Variants in ZRANB3 observed in about 807,000 individuals in gnomAD.
ZRANB3 encodes DNA annealing helicase and endonuclease ZRANB3.
Under a neutral mutation model 133.8 loss-of-function variants are expected in ZRANB3, and 125 were observed. That is an observed-to-expected ratio of 0.93 (90% CI 0.81 to 1.08). The LOEUF (loss-of-function observed/expected upper bound fraction) is 1.08. ZRANB3 is among the 50% of genes least tolerant of loss of function. The pLI, the probability that ZRANB3 is intolerant of heterozygous loss-of-function variation, is 0.00. For synonymous variants in ZRANB3, 387 were observed against 432.7 expected, an observed-to-expected ratio of 0.89 and a Z score of 1.31; for missense variants, 1,229 against 1,275.5, an observed-to-expected ratio of 0.96 and a Z score of 0.56.
chr2:135,467,106 G>T (rs1307846804), intron 2 of ZRANB3, among the ~76,000 whole-genome samples: 1 of 152,080 alleles, frequency 6.6e-6, no homozygotes, highest in Non-Finnish European at 1.5e-5. Context: ...TGTCTCTCTT[G>T]GTCCAATTCC....
chr2:135,334,212 A>G (rs554711224), intron 6 of ZRANB3, among the ~76,000 whole-genome samples: 1 of 152,330 alleles, frequency 6.6e-6, no homozygotes, highest in East Asian at 1.9e-4. Flanking sequence ...ATGAATGGAT[A>G]AATTCAAAAT....
At chr2:135,277,980 C>A (rs1331786321) in intron 8 of ZRANB3, among the ~76,000 whole-genome samples, 4 of 149,562 alleles carry the variant, frequency 2.7e-5, no homozygotes, top group African/African-American at 9.8e-5. Context: ...GGTAGGGGAT[C>A]AGGTCATGAG....
chr2:135,421,461 G>A (rs978820814), intron 2 of ZRANB3, among the ~76,000 whole-genome samples: 6 of 152,142 alleles, frequency 3.9e-5, no homozygotes, highest in Admixed American at 6.5e-5. Context: ...AATATGGTAT[G>A]AAATTTCTAT....
chr2:135,290,863 T>C (rs1681671855), intron 8 of ZRANB3, among the ~76,000 whole-genome samples: 1 of 152,194 alleles, frequency 6.6e-6, no homozygotes, highest in African/African-American at 2.4e-5. Context: ...CCAGGGATGG[T>C]TTCCTTGATT....
chr2:135,245,838 A>C (rs1695763293), intron 12 of ZRANB3, among the ~76,000 whole-genome samples: 1 of 138,862 alleles, frequency 7.2e-6, no homozygotes, highest in African/African-American at 2.7e-5. Flanking sequence ...AGGCAGGAGA[A>C]TCGCTTGAAC....
intron 8 of ZRANB3, among the ~76,000 whole-genome samples, chr2:135,306,144 A>T (rs1460811326): frequency 6.6e-6 from 1 of 152,136 alleles, no homozygotes; most frequent in East Asian, 1.9e-4. Flanking sequence ...GAAGTTTTAA[A>T]CTATTACTTA....
chr2:135,417,005 C>A (rs1688609423), intron 2 of ZRANB3, among the ~76,000 whole-genome samples: 1 of 152,094 alleles, frequency 6.6e-6, no homozygotes, highest in Admixed American at 6.6e-5. Flanking sequence ...ACCATAAAAA[C>A]CCTAGAAGAA....
chr2:135,218,953 G>A, intron 16 of ZRANB3, 124 bp downstream of exon 16: 1 of 588,964 alleles, frequency 1.7e-6, no homozygotes, highest in Non-Finnish European at 2.8e-6. Context: ...AATGCAACCA[G>A]TGATTTGACT....
intron 3 of ZRANB3, among the ~76,000 whole-genome samples, chr2:135,360,538 C>T (rs543198815): frequency 1.9e-4 from 29 of 150,772 alleles, no homozygotes; most frequent in African/African-American, 5.8e-4. Flanking sequence ...ACCCCATCTC[C>T]ACTAAAAATA....
At chr2:135,493,117 AT>A (rs1692472067) in intron 2 of ZRANB3, among the ~76,000 whole-genome samples, 1 of 1,152 alleles carries the variant, frequency 8.7e-4, no homozygotes, top group African/African-American at 2.7e-3. Context: ...ATATATATAT[AT>A]ATATATATAT....
intron 2 of ZRANB3, among the ~76,000 whole-genome samples, chr2:135,470,653 C>T (rs1384596117): frequency 6.6e-6 from 1 of 151,902 alleles, no homozygotes; most frequent in Non-Finnish European, 1.5e-5. Context: ...CGCCACTGCA[C>T]TCCAGTCTGG....
intron 2 of ZRANB3, among the ~76,000 whole-genome samples, chr2:135,501,487 T>A (rs1451046103): frequency 6.6e-6 from 1 of 152,168 alleles, no homozygotes; most frequent in Non-Finnish European, 1.5e-5. Context: ...CATTACCTCA[T>A]CTAAGATAAT....
chr2:135,484,808 C>T (rs994037862), intron 2 of ZRANB3, among the ~76,000 whole-genome samples: 4 of 151,496 alleles, frequency 2.6e-5, no homozygotes, highest in Non-Finnish European at 4.4e-5. Flanking sequence ...CCAAAGTGGG[C>T]AGATCACTTG....
rs559838182 is a variant in ZRANB3 at position 135,495,205 on chromosome 2, G to C, written c.161+9124C>G. 1.8e-4 allele frequency among the ~76,000 whole-genome samples: 27 copies of C among 152,144 alleles called. 1 individual carries two copies. The highest frequency in any genetic ancestry group is 1.6e-3 in the Admixed American group (24 of 15,274). Reference sequence around the variant, plus strand: ...ATTGTGCCATTGCACTCCAGCCTACGTGACAGAGTGAGATCATGTTTCTAA... The same window carrying C: ...ATTGTGCCATTGCACTCCAGCCTACCTGACAGAGTGAGATCATGTTTCTAA... On this transcript the variant is annotated intron_variant, in intron 2 of 20. Transcript: ENST00000264159.
intron 8 of ZRANB3, among the ~76,000 whole-genome samples, chr2:135,306,115 C>A (rs57510176): frequency 0.23 from 35,687 of 152,082 alleles, 6,468 homozygotes; most frequent in African/African-American, 0.49. Context: ...TGGATGTCTA[C>A]AGCTCTTGCT....
chr2:135,447,211 G>C (rs1040749757), intron 2 of ZRANB3, among the ~76,000 whole-genome samples: 1 of 151,980 alleles, frequency 6.6e-6, no homozygotes, highest in Non-Finnish European at 1.5e-5. Context: ...GCTAATTTTT[G>C]TATTTTTAGT....
intron 2 of ZRANB3, among the ~76,000 whole-genome samples, chr2:135,429,767 G>A (rs1689239456): frequency 6.6e-6 from 1 of 152,136 alleles, no homozygotes; most frequent in Non-Finnish European, 1.5e-5. Flanking sequence ...GGGAGCGTAG[G>A]AGGCAGCCAT....
At chr2:135,488,973 T>C (rs564157622) in intron 2 of ZRANB3, among the ~76,000 whole-genome samples, 1 of 151,996 alleles carries the variant, frequency 6.6e-6, no homozygotes, top group East Asian at 1.9e-4. Context: ...TAGTGTCATA[T>C]CAAAAGAAAT....
intron 2 of ZRANB3, among the ~76,000 whole-genome samples, chr2:135,426,719 C>G (rs967476152): frequency 6.1e-5 from 9 of 148,016 alleles, no homozygotes; most frequent in Non-Finnish European, 1.0e-4. Context: ...GTAGTCCCAG[C>G]TACTTGGGAG....
Sources: gnomAD v4.1 joint callset for allele counts (sites outside exome capture counted in the v4.1 genomes callset) on GRCh38, gnomAD v4.1.1 for gene constraint, MANE v1.5 for transcripts, NCBI Gene and HGNC (gene_info 2026-07-23, HGNC 2026-07-21) for gene names.